The following LIMCH1 variants were observed in gnomAD, a reference collection of about 807,000 sequenced individuals.
LIMCH1 encodes the protein LIM and calponin homology domains 1.
Under a neutral mutation model 176.5 loss-of-function variants are expected in LIMCH1, and 113 were observed. The observed-to-expected ratio is 0.64, with a 90% CI of 0.55 to 0.75. The LOEUF is 0.75. Among genes scored for constraint, LIMCH1 ranks in the 30% least tolerant of loss-of-function variants. The probability of loss-of-function intolerance (pLI) is 0.00; values close to 1 mark genes in which losing one functional copy is unlikely to be tolerated. For synonymous variants in LIMCH1, 619 were observed against 645.9 expected (o/e 0.96, Z 0.63); for missense variants, 1,674 against 1,814.9 (o/e 0.92, Z 1.41).
chr4:41,404,311 G>A (rs977934525), intron 1 of LIMCH1, among the ~76,000 whole-genome samples: 4 of 152,004 alleles, frequency 2.6e-5, no homozygotes, highest in African/African-American at 9.7e-5. Context: ...CAGGTGGGGA[G>A]GGGAAGAGCC....
intron 1 of LIMCH1, among the ~76,000 whole-genome samples, chr4:41,569,351 C>T (rs576206289): frequency 2.2e-4 from 34 of 152,228 alleles, no homozygotes; most frequent in African/African-American, 6.0e-4. Flanking sequence ...GGGCAGCTCC[C>T]GTAAAACCTG....
At chr4:41,576,663 T>G (rs2084521061) in intron 1 of LIMCH1, among the ~76,000 whole-genome samples, 1 of 152,186 alleles carries the variant, frequency 6.6e-6, no homozygotes, top group South Asian at 2.1e-4. Context: ...CTGCAGTAGT[T>G]AGGAATAGCA....
intron 27 of LIMCH1, 34 bp from the exon 28 acceptor site, chr4:41,685,676 G>T: frequency 6.2e-7 from 1 of 1,611,738 alleles, no homozygotes; most frequent in South Asian, 1.1e-5. Context: ...TGATTTTACT[G>T]TGCACTACAT....
At chr4:41,514,599 A>T (rs373763103) in intron 2 of LIMCH1, among the ~76,000 whole-genome samples, 1 of 152,210 alleles carries the variant, frequency 6.6e-6, no homozygotes, top group South Asian at 2.1e-4. Flanking sequence ...ATAGCATGGT[A>T]AGGACTTTAA....
chr4:41,472,181 T>A (rs772552198), intron 1 of LIMCH1, among the ~76,000 whole-genome samples: 5 of 152,212 alleles, frequency 3.3e-5, no homozygotes, highest in Non-Finnish European at 7.3e-5. Context: ...GCTCTTCAAA[T>A]TTTTAAATTT....
intron 2 of LIMCH1, among the ~76,000 whole-genome samples, chr4:41,495,517 G>A (rs2071963489): frequency 6.6e-6 from 1 of 152,036 alleles, no homozygotes; most frequent in South Asian, 2.1e-4. Flanking sequence ...GATTTCAGTG[G>A]AATCACATAG....
chr4:41,439,126 C>G (rs537638728), intron 1 of LIMCH1, among the ~76,000 whole-genome samples: 3 of 152,180 alleles, frequency 2.0e-5, no homozygotes, highest in African/African-American at 7.2e-5. Context: ...TTTTCTTATT[C>G]TCTCCAGGAC....
intron 1 of LIMCH1, among the ~76,000 whole-genome samples, chr4:41,378,897 T>A (rs1440130976): frequency 6.6e-6 from 1 of 152,174 alleles, no homozygotes; most frequent in Non-Finnish European, 1.5e-5. Flanking sequence ...AGCCATTTAT[T>A]ATATAACAAT....
At chr4:41,538,497 T>C (rs1424376207) in intron 1 of LIMCH1, 147 bp downstream of exon 1, 2 of 268,086 alleles carry the variant, frequency 7.5e-6, no homozygotes, top group African/African-American at 4.6e-5. Context: ...GAAAATTACT[T>C]TCCTGTGGAT....
chr4:41,423,712 T>G (rs2060827034), intron 1 of LIMCH1, among the ~76,000 whole-genome samples: 1 of 152,138 alleles, frequency 6.6e-6, no homozygotes, highest in South Asian at 2.1e-4. Context: ...ATCAAAATAT[T>G]CTGGTGTCTG....
chr4:41,491,010 G>C (rs1439064593), intron 1 of LIMCH1, among the ~76,000 whole-genome samples: 1 of 144,938 alleles, frequency 6.9e-6, no homozygotes, highest in African/African-American at 2.6e-5. Context: ...TCCCAGACGG[G>C]GCGGCTGGGC....
intron 7 of LIMCH1, 87 bp downstream of exon 7, chr4:41,620,777 G>C (rs1231514275): frequency 7.2e-7 from 1 of 1,393,016 alleles, no homozygotes; most frequent in Non-Finnish European, 9.5e-7. Flanking sequence ...GTTTTCATCT[G>C]ATTTTTCCAC....
chr4:41,387,614 A>G (rs1418167636), intron 1 of LIMCH1, among the ~76,000 whole-genome samples: 2 of 152,360 alleles, frequency 1.3e-5, no homozygotes, highest in East Asian at 1.9e-4. Flanking sequence ...TTCTCTGTGC[A>G]TACGCACCTC....
At chr4:41,612,557 T>G (rs1366768207) in intron 4 of LIMCH1, 1 of 702,592 alleles carries the variant, frequency 1.4e-6, no homozygotes, top group South Asian at 1.5e-5. Context: ...CTATTGTAAT[T>G]AATGCTAAGA....
intron 2 of LIMCH1, among the ~76,000 whole-genome samples, chr4:41,515,295 C>T (rs1341688206): frequency 1.3e-5 from 2 of 152,248 alleles, no homozygotes; most frequent in Non-Finnish European, 1.5e-5. Flanking sequence ...CCTTCCTCCG[C>T]GTCCCCAGCT....
chr4:41,668,245 G>A (rs1048797723), intron 21 of LIMCH1, among the ~76,000 whole-genome samples: 1 of 152,122 alleles, frequency 6.6e-6, no homozygotes, highest in Non-Finnish European at 1.5e-5. Context: ...ATAATTAACT[G>A]GTACATGTGC....
At chr4:41,369,500 C>G (rs2053619689) in intron 1 of LIMCH1, among the ~76,000 whole-genome samples, 1 of 152,160 alleles carries the variant, frequency 6.6e-6, no homozygotes, top group African/African-American at 2.4e-5. Context: ...ACCTGGAATG[C>G]CCCTTCTCCA....
rs540671886 is a variant in LIMCH1 at position 41,521,849 on chromosome 4, C to T, written c.168-2560C>T. On this transcript the variant is annotated intron_variant, in intron 2 of 26. Transcript: ENST00000313860. ...ATAGATTGATTTTTTCCAATCTTCC[C>T]TTTATGTGATAGGGAAGATTCTGCC... Among the ~76,000 whole-genome samples, 30 of 152,058 alleles carry T rather than the reference C, an allele frequency of 2.0e-4. 1 individual carries two copies. The highest frequency in any genetic ancestry group is 1.8e-3 in the Admixed American group (28 of 15,262).
chr4:41,425,799 C>T (rs2061026912), intron 1 of LIMCH1, among the ~76,000 whole-genome samples: 1 of 152,168 alleles, frequency 6.6e-6, no homozygotes. Context: ...ACATTTCTTC[C>T]CTCTTCCTGT....
Sources: gnomAD v4.1 joint callset for allele counts (sites outside exome capture counted in the v4.1 genomes callset) on GRCh38, gnomAD v4.1.1 for gene constraint, MANE v1.5 for transcripts, NCBI Gene and HGNC (gene_info 2026-07-23, HGNC 2026-07-21) for gene names.